The following RNLS variants were observed in gnomAD, a reference collection of about 807,000 sequenced individuals.
RNLS encodes renalase.
RNLS carries 39 observed loss-of-function variants against 39.8 expected under a neutral mutation model. The observed-to-expected ratio is 0.98, with a 90% CI of 0.76 to 1.28. RNLS has a LOEUF of 1.28. RNLS is among the 50% of genes most tolerant of loss of function. The pLI, the probability that RNLS is intolerant of heterozygous loss-of-function variation, is 0.00. For synonymous variants in RNLS, 147 were observed against 150.7 expected (o/e 0.98, Z 0.18); for missense variants, 410 against 413.3 (o/e 0.99, Z 0.07).
chr10:88,208,503 G>A, the RNLS span, among the ~76,000 whole-genome samples: 137,559 of 152,216 alleles, frequency 0.9, 62,309 homozygotes, highest in Middle Eastern at 0.93. Flanking sequence ...TTACAATAAT[G>A]TAGTATTGGC....
Position 88,381,698 on chromosome 10 carries a change from A to G in RNLS, c.527-18973T>C, listed in dbSNP as rs575535803. On this transcript the variant is annotated intron_variant, in intron 4 of 6. Coordinates refer to ENST00000331772, the MANE Select transcript of RNLS (RefSeq NM_001031709.3). ...CAAACAGAGACAGTTTTAAAGTACAAATTATATATCACTTAAAAGTTTCTA... is the reference window on the plus strand; with the variant it reads ...CAAACAGAGACAGTTTTAAAGTACAGATTATATATCACTTAAAAGTTTCTA... 8.5e-5 allele frequency among the ~76,000 whole-genome samples: 13 copies of G among 152,106 alleles called. No homozygotes were observed. The East Asian group carries it at 2.5e-3, about 29-fold the overall frequency.
intron 4 of RNLS, among the ~76,000 whole-genome samples, chr10:88,554,403 G>A (rs1486698568): frequency 2.6e-5 from 4 of 151,896 alleles, no homozygotes; most frequent in Non-Finnish European, 5.9e-5. Context: ...GTCGTGGAGG[G>A]GAAAAATATT....
intron 4 of RNLS, among the ~76,000 whole-genome samples, chr10:88,484,458 A>G (rs1844376164): frequency 6.6e-6 from 1 of 152,030 alleles, no homozygotes; most frequent in Admixed American, 6.6e-5. Flanking sequence ...CAGAATGGGG[A>G]CAGGAAGGAT....
intron 4 of RNLS, among the ~76,000 whole-genome samples, chr10:88,460,916 G>A (rs780342385): frequency 1.7e-4 from 26 of 152,148 alleles, no homozygotes; most frequent in East Asian, 1.2e-3. Flanking sequence ...TTTCTCTCTC[G>A]TCTCAGGGAA....
At chr10:88,377,906 AAC>A (rs1851148358) in intron 4 of RNLS, among the ~76,000 whole-genome samples, 1 of 152,172 alleles carries the variant, frequency 6.6e-6, no homozygotes, top group African/African-American at 2.4e-5. Context: ...CTTAGCTTAA[AAC>A]ACACATTGCA....
chr10:88,235,655 T>C, the RNLS span, among the ~76,000 whole-genome samples: 1 of 152,224 alleles, frequency 6.6e-6, no homozygotes, highest in Non-Finnish European at 1.5e-5. Flanking sequence ...CAAAGTCTAC[T>C]TTTTGTTCCC....
chr10:88,421,091 T>G (rs975948116), intron 4 of RNLS, among the ~76,000 whole-genome samples: 1 of 152,238 alleles, frequency 6.6e-6, no homozygotes, highest in African/African-American at 2.4e-5. Context: ...GATGAGAGGC[T>G]GCAGGAACAA....
chr10:88,562,373 T>C (rs1208914469), intron 4 of RNLS, among the ~76,000 whole-genome samples: 1 of 152,088 alleles, frequency 6.6e-6, no homozygotes. Flanking sequence ...TAAAAATAAA[T>C]CAGATGTTTA....
At chr10:88,240,554 C>T in the RNLS span, among the ~76,000 whole-genome samples, 9 of 152,236 alleles carry the variant, frequency 5.9e-5, no homozygotes, top group Non-Finnish European at 8.8e-5. Context: ...ATCCACCCAG[C>T]CACCTCGTCT....
At chr10:88,427,138 C>T (rs1854825848) in intron 4 of RNLS, among the ~76,000 whole-genome samples, 1 of 151,958 alleles carries the variant, frequency 6.6e-6, no homozygotes, top group Admixed American at 6.6e-5. Context: ...TTTGTTTAAT[C>T]TTTATCACAA....
chr10:88,517,332 T>G (rs530843159), intron 4 of RNLS, among the ~76,000 whole-genome samples: 3 of 151,966 alleles, frequency 2.0e-5, no homozygotes, highest in Admixed American at 1.3e-4. Context: ...GCACCATTTA[T>G]TAACAAAATC....
chr10:88,509,015 G>C (rs937350623), intron 4 of RNLS, among the ~76,000 whole-genome samples: 2 of 151,842 alleles, frequency 1.3e-5, no homozygotes, highest in African/African-American at 2.4e-5. Flanking sequence ...TGGTGGGGGT[G>C]GGGGGGCTGG....
At position 88,478,147 on chromosome 10, in the gene RNLS, T is replaced by C. The variant is rs570020093; in HGVS notation, c.526+94756A>G. 1.1e-4 allele frequency among the ~76,000 whole-genome samples: 17 copies of C among 152,302 alleles called. No individual in the cohort carries two copies. In the South Asian group the frequency reaches 3.3e-3, roughly 30 times the overall value. ...AAAATCCATTCCAAAATGGCTCTCA[T>C]GTTATCTTTCAAACATTTAAAAAAC... is the stretch of plus-strand genomic sequence containing the variant. On this transcript the variant is annotated intron_variant, in intron 4 of 6. Transcript: ENST00000331772.
intron 3 of RNLS, among the ~76,000 whole-genome samples, chr10:88,581,067 C>A (rs189478046): frequency 1.3e-5 from 2 of 151,918 alleles, no homozygotes; most frequent in Non-Finnish European, 2.9e-5. Context: ...CAACCCCATA[C>A]AGCCTAAATA....
At chr10:88,335,933 A>G (rs1194159404) in intron 5 of RNLS, among the ~76,000 whole-genome samples, 1 of 152,238 alleles carries the variant, frequency 6.6e-6, no homozygotes, top group Non-Finnish European at 1.5e-5. Context: ...GGGTTTGGCA[A>G]TTGGTAAGCA....
the RNLS span, among the ~76,000 whole-genome samples, chr10:88,257,245 T>C: frequency 6.6e-6 from 1 of 152,140 alleles, no homozygotes; most frequent in Non-Finnish European, 1.5e-5. Flanking sequence ...GATGTCAAAA[T>C]TGATGTGATG....
chr10:88,556,492 A>G (rs1270240413), intron 4 of RNLS, among the ~76,000 whole-genome samples: 3 of 152,180 alleles, frequency 2.0e-5, no homozygotes, highest in African/African-American at 4.8e-5. Flanking sequence ...TAAGTCACAT[A>G]AGGTCTTTCC....
chr10:88,192,228 G>A, the RNLS span, among the ~76,000 whole-genome samples: 1 of 151,932 alleles, frequency 6.6e-6, no homozygotes, highest in Non-Finnish European at 1.5e-5. Context: ...ACACCCCTAC[G>A]GTGGATTTTA....
At chr10:88,252,409 A>C in the RNLS span, among the ~76,000 whole-genome samples, 1 of 152,164 alleles carries the variant, frequency 6.6e-6, no homozygotes, top group African/African-American at 2.4e-5. Context: ...CCTTACCCCC[A>C]TACAACTCCC....
Sources: allele counts gnomAD v4.1 joint callset (sites outside exome capture counted in the v4.1 genomes callset), GRCh38; gene constraint gnomAD v4.1.1; transcripts MANE v1.5; gene names NCBI Gene and HGNC (gene_info 2026-07-23, HGNC 2026-07-21).